The following IL17D variants were observed in gnomAD, a reference collection of about 807,000 sequenced individuals.
IL17D encodes interleukin 17D.
Under a neutral mutation model 5.7 loss-of-function variants are expected in IL17D, and 10 were observed. That is an observed-to-expected ratio of 1.75 (90% confidence interval 1.08 to 2.97). IL17D has a LOEUF of 2.97. Among genes scored for constraint, IL17D ranks in the 30% most tolerant of loss-of-function variants. The pLI, the probability that IL17D is intolerant of heterozygous loss-of-function variation, is 0.00. For missense variants in IL17D, 354 were observed against 292.7 expected (o/e 1.21, Z -1.53); for synonymous variants, 172 against 141.7 (o/e 1.21, Z -1.52).
Position 20,703,888 on chromosome 13 carries a change from G to A in IL17D, c.-114G>A, listed in dbSNP as rs1429530299. ...CCGGGCCGGCCTCTGGCTCCGCGGGGCGAGGGGAGGCGCCCGCCGGCTCCG... is the reference window on the plus strand; with the variant it reads ...CCGGGCCGGCCTCTGGCTCCGCGGGACGAGGGGAGGCGCCCGCCGGCTCCG... On this transcript the variant is annotated 5_prime_UTR_variant, in exon 1 of 2. Transcript: ENST00000682841. 2.4e-6 allele frequency: 1 copy of A among 421,990 alleles called. No individual in the cohort carries two copies. The highest frequency in any genetic ancestry group is 3.1e-6 in the Non-Finnish European group (1 of 317,494). The allele number at this position is 421,990 out of a possible 1,614,324, so 26.1% of individuals were successfully genotyped here.
At chr13:20,720,874 A>ACCCC (rs67735251) in intron 1 of IL17D, among the ~76,000 whole-genome samples, 12 of 75,704 alleles carry the variant, frequency 1.6e-4, no homozygotes, top group Admixed American at 4.7e-4. Context: ...CTCCCTCCCA[A>ACCCC]CCCCCCCCCC....
chr13:20,703,473 C>A (rs998199317), upstream of IL17D: 33 of 966,892 alleles, frequency 3.4e-5, no homozygotes, highest in Non-Finnish European at 4.1e-5. Flanking sequence ...GGGGGCTTCT[C>A]GCGGAAAAGC....
chr13:20,720,783 G>A (rs917267302), intron 1 of IL17D, among the ~76,000 whole-genome samples: 4 of 152,072 alleles, frequency 2.6e-5, no homozygotes, highest in African/African-American at 9.7e-5. Context: ...AGAGGTGGCT[G>A]GGTGCAGTCC....
chr13:20,720,483 A>G (rs1385859279), intron 1 of IL17D, among the ~76,000 whole-genome samples: 1 of 152,172 alleles, frequency 6.6e-6, no homozygotes, highest in East Asian at 1.9e-4. Context: ...GGGAAGCATG[A>G]ATAAATGAAG....
rs371299134 is a variant in IL17D at position 20,716,029 on chromosome 13, C to T, written c.291-5607C>T. ...CGATTACAGGCATGAGCCACCGCGCCCGGCCAGAATCGACACTTTTAACAG... is the reference window on the plus strand; with the variant it reads ...CGATTACAGGCATGAGCCACCGCGCTCGGCCAGAATCGACACTTTTAACAG... On this transcript the variant is annotated intron_variant, in intron 1 of 1. Coordinates refer to ENST00000682841, the MANE Select transcript of IL17D (RefSeq NM_001385224.1). This position sits in a 1 kb window ranked among gnomAD's most constrained non-coding sequence, Gnocchi z 4.2. 9.1e-4 allele frequency: 872 copies of T among 957,968 alleles called. 19 individuals are homozygous for T. In the South Asian group the frequency reaches 0.035, roughly 39 times the overall value. 59.3% of individuals were successfully genotyped at this position (957,968 alleles called of 1,614,324 possible).
chr13:20,718,753 T>G (rs1334604266), intron 1 of IL17D, among the ~76,000 whole-genome samples: 1 of 60,372 alleles, frequency 1.7e-5, no homozygotes, highest in Non-Finnish European at 3.2e-5. Context: ...CACACCTGCC[T>G]GTGCTCACAC....
intron 1 of IL17D, among the ~76,000 whole-genome samples, chr13:20,707,036 G>T (rs1028911033): frequency 1.3e-5 from 2 of 152,190 alleles, no homozygotes; most frequent in African/African-American, 4.8e-5. Context: ...GTCTTCAGGG[G>T]ATGGCTGCTG....
intron 1 of IL17D, among the ~76,000 whole-genome samples, chr13:20,709,561 T>C (rs2058617816): frequency 6.6e-6 from 1 of 152,130 alleles, no homozygotes; most frequent in Non-Finnish European, 1.5e-5. Context: ...TGACGTAATA[T>C]GTACATATGA....
At chr13:20,710,153 G>A (rs2058623043) in intron 1 of IL17D, among the ~76,000 whole-genome samples, 1 of 152,040 alleles carries the variant, frequency 6.6e-6, no homozygotes, top group Non-Finnish European at 1.5e-5. Context: ...CTTACTTTGT[G>A]GCATAATGTT....
chr13:20,717,924 G>C (rs2058690387), intron 1 of IL17D, among the ~76,000 whole-genome samples: 1 of 152,102 alleles, frequency 6.6e-6, no homozygotes, highest in Non-Finnish European at 1.5e-5. Flanking sequence ...AACTACCGGG[G>C]GTGACGCCTG....
At chr13:20,702,303 C>T (rs1025303423), upstream of IL17D, 1 of 152,186 alleles carries the variant, frequency 6.6e-6, no homozygotes, top group African/African-American at 2.4e-5. Flanking sequence ...TACTAAGCTC[C>T]TTAGTTATAG....
intron 1 of IL17D, among the ~76,000 whole-genome samples, chr13:20,719,083 C>T (rs550329260): frequency 1.2e-3 from 175 of 146,772 alleles, no homozygotes; most frequent in Non-Finnish European, 1.9e-3. Context: ...TGACACACAA[C>T]TACCCATGCT....
At chr13:20,705,757 C>G (rs938603710) in intron 1 of IL17D, among the ~76,000 whole-genome samples, 2 of 152,190 alleles carry the variant, frequency 1.3e-5, no homozygotes, top group African/African-American at 4.8e-5. Context: ...GCCATACAGC[C>G]ACTCTGGTTT....
intron 1 of IL17D, chr13:20,713,716 G>C (rs1400221508): frequency 6.6e-6 from 1 of 152,142 alleles, no homozygotes; most frequent in Non-Finnish European, 1.5e-5. Context: ...AATGATTTGG[G>C]CAAATTCAGG....
chr13:20,704,005 C>G lies in IL17D; in HGVS notation c.4C>G (p.Leu2Val), dbSNP rs1348271163. Residue 2 changes from leucine to valine, a missense_variant, in exon 1 of 2, where the codon CTG becomes GTG. Leu to Val is a conservative substitution (Grantham distance 32). Coordinates refer to ENST00000682841, the MANE Select transcript of IL17D (RefSeq NM_001385224.1). ...GTGGCCTGTCCCTCAGGTCTGGATG[C>G]TGGTAGCCGGCTTCCTGCTGGCGCT... M[L>V]VAGFLLALPP... 1 of 1,020,850 alleles carries G rather than the reference C, an allele frequency of 9.8e-7. No individual in the cohort carries two copies. The highest frequency in any genetic ancestry group is 1.7e-5 in the African/African-American group (1 of 57,216). 63.2% of individuals were successfully genotyped at this position (1,020,850 alleles called of 1,614,324 possible). A position where few individuals can be genotyped will look rare whatever the true frequency, so the allele number is the denominator to read the frequency against.
chr13:20,710,008 G>A (rs2058621824), intron 1 of IL17D, among the ~76,000 whole-genome samples: 1 of 152,156 alleles, frequency 6.6e-6, no homozygotes, highest in Admixed American at 6.5e-5. Context: ...TGAAGGTATT[G>A]GCCCCAGGTG....
intron 1 of IL17D, among the ~76,000 whole-genome samples, chr13:20,709,474 G>T (rs1252167407): frequency 6.6e-6 from 1 of 152,116 alleles, no homozygotes; most frequent in Non-Finnish European, 1.5e-5. Context: ...AGTCATAAGT[G>T]GATCAATCAC....
rs533898882 is a variant in IL17D at position 20,712,673 on chromosome 13, T to TAA, written c.290+8396_290+8397dup. On this transcript the variant is annotated intron_variant, in intron 1 of 1. Coordinates refer to ENST00000682841, the MANE Select transcript of IL17D (RefSeq NM_001385224.1). ...CACTTTCAAATGTGTGTGCCGACGCTAAAAAAAAAAAAAAACCCCACCCTG... is the reference window on the plus strand; with the variant it reads ...CACTTTCAAATGTGTGTGCCGACGCTAAAAAAAAAAAAAAAAACCCCACCCTG... 179 of 137,028 alleles carry TAA rather than the reference T, an allele frequency of 1.3e-3. 1 individual carries two copies. Among genetic ancestry groups the TAA allele is most frequent in the Non-Finnish European group, 1.8e-3 (114 of 63,176 alleles). 8.5% of individuals were successfully genotyped at this position (137,028 alleles called of 1,614,324 possible). A position where few individuals can be genotyped will look rare whatever the true frequency, so the allele number is the denominator to read the frequency against.
At position 20,704,220 on chromosome 13, in the gene IL17D, A is replaced by G; in HGVS notation, c.219A>G (p.Ala73=). 1 of 1,353,288 alleles carries G rather than the reference A, an allele frequency of 7.4e-7. No individual in the cohort carries two copies. The highest frequency in any genetic ancestry group is 1.6e-5 in the South Asian group (1 of 63,784). The allele number at this position is 1,353,288 out of a possible 1,614,324, so 83.8% of individuals were successfully genotyped here. The stretch of plus-strand genomic sequence containing the variant: ...AGGCGCGCAACGCGAGCTGCCCGGC[A>G]GGGGGCAGGCCCGCCGACCGCCGCT... ...REQARNASCP[A]GGRPADRRFR... is the part of the protein sequence containing the mutation. The change falls in exon 1 of 2, where the codon GCA becomes GCG. Residue 73 remains alanine (A), a synonymous_variant. Coordinates refer to ENST00000682841, the MANE Select transcript of IL17D (RefSeq NM_001385224.1).
Sources: gnomAD v4.1 joint callset for allele counts (sites outside exome capture counted in the v4.1 genomes callset) on GRCh38, gnomAD v4.1.1 for gene constraint, Gnocchi (gnomAD v3.1) non-coding constraint, MANE v1.5 for transcripts, NCBI Gene and HGNC (gene_info 2026-07-23, HGNC 2026-07-21) for gene names.